The following NRG1 variants were observed in gnomAD, a reference collection of about 807,000 sequenced individuals.
NRG1 encodes neuregulin 1, also known as pro-neuregulin-1, membrane-bound isoform.
A neutral mutation model predicts 63.8 loss-of-function variants in NRG1; 18 were observed. That is an observed-to-expected ratio of 0.28 (90% confidence interval 0.19 to 0.42). The LOEUF is 0.42. Among genes scored for constraint, NRG1 ranks in the 10% least tolerant of loss-of-function variants. The pLI, the probability that NRG1 is intolerant of heterozygous loss-of-function variation, is 1.00. For synonymous variants in NRG1, 302 were observed against 301.3 expected (o/e 1.00, Z -0.02); for missense variants, 762 against 814.7 (o/e 0.94, Z 0.79).
intron 1 of NRG1, among the ~76,000 whole-genome samples, chr8:32,127,491 A>T: frequency 6.7e-6 from 1 of 148,718 alleles, no homozygotes; most frequent in East Asian, 2.0e-4. Context: ...CCATTTTTGA[A>T]CCCTACTCTG....
intron 1 of NRG1, among the ~76,000 whole-genome samples, chr8:31,905,664 TTTGTG>T (rs1261141777): frequency 1.3e-5 from 2 of 152,202 alleles, no homozygotes; most frequent in Non-Finnish European, 2.9e-5. Context: ...CTTCATTTAT[TTTGTG>T]TAAATGAGCA....
At chr8:32,050,044 G>C (rs1040873100) in intron 1 of NRG1, among the ~76,000 whole-genome samples, 1 of 152,122 alleles carries the variant, frequency 6.6e-6, no homozygotes, top group African/African-American at 2.4e-5. Flanking sequence ...AGATTATGAA[G>C]AGCCTCCTTA....
chr8:32,217,677 T>C (rs1056663004), intron 1 of NRG1, among the ~76,000 whole-genome samples: 1 of 152,184 alleles, frequency 6.6e-6, no homozygotes, highest in Non-Finnish European at 1.5e-5. Context: ...CTGAGAATAC[T>C]CCTGTCCCAA....
chr8:32,717,716 A>G lies in NRG1; in HGVS notation c.503-10233A>G, dbSNP rs149836122. Among the ~76,000 whole-genome samples the G allele has an allele frequency of 2.8e-3, 428 of 152,320 alleles. 1 individual carries two copies. Among genetic ancestry groups the G allele is most frequent in the Admixed American group, 5.2e-3 (80 of 15,280 alleles). ...CTGCAGTGATTTGGCTAAATGGTATATAGCAACGTGCAGTCTGGGGTTTTA... is the reference window on the plus strand; with the variant it reads ...CTGCAGTGATTTGGCTAAATGGTATGTAGCAACGTGCAGTCTGGGGTTTTA... On this transcript the variant is annotated intron_variant, in intron 5 of 11. Transcript: ENST00000356819.
At chr8:31,967,944 C>T (rs1806636849) in intron 1 of NRG1, among the ~76,000 whole-genome samples, 1 of 152,158 alleles carries the variant, frequency 6.6e-6, no homozygotes, top group Non-Finnish European at 1.5e-5. Flanking sequence ...GGTACAGCAG[C>T]CCCAGGCCCA....
intron 1 of NRG1, among the ~76,000 whole-genome samples, chr8:31,859,409 A>G (rs571988141): frequency 6.6e-6 from 1 of 152,154 alleles, no homozygotes. Flanking sequence ...TTTCATCACA[A>G]TGTGATCTAT....
intron 1 of NRG1, among the ~76,000 whole-genome samples, chr8:32,216,379 G>A (rs1845225635): frequency 2.0e-5 from 3 of 148,660 alleles, no homozygotes; most frequent in African/African-American, 7.3e-5. Context: ...ATTCCTAGAA[G>A]CACTATAGAA....
intron 5 of NRG1, among the ~76,000 whole-genome samples, chr8:32,707,994 TTTA>T (rs1816857444): frequency 1.3e-5 from 2 of 152,042 alleles, no homozygotes; most frequent in Admixed American, 1.3e-4. Flanking sequence ...AAAATATTCC[TTTA>T]TTATCATAAA....
intron 1 of NRG1, among the ~76,000 whole-genome samples, chr8:31,872,859 G>A (rs79897959): frequency 1.3e-5 from 2 of 152,174 alleles, no homozygotes; most frequent in African/African-American, 4.8e-5. Flanking sequence ...ATACATCCAA[G>A]TATTTAATCA....
intron 1 of NRG1, among the ~76,000 whole-genome samples, chr8:32,049,676 T>G (rs1821660609): frequency 6.6e-6 from 1 of 152,138 alleles, no homozygotes; most frequent in South Asian, 2.1e-4. Flanking sequence ...AAATTGGGTG[T>G]GTATAAAACA....
intron 1 of NRG1, among the ~76,000 whole-genome samples, chr8:32,057,513 G>A (rs536156182): frequency 6.6e-6 from 1 of 152,234 alleles, no homozygotes; most frequent in South Asian, 2.1e-4. Context: ...GCCACTGGGT[G>A]TGAATTTGTC....
intron 1 of NRG1, among the ~76,000 whole-genome samples, chr8:31,824,550 G>A (rs1488600550): frequency 6.6e-6 from 1 of 152,074 alleles, no homozygotes; most frequent in Non-Finnish European, 1.5e-5. Flanking sequence ...CCTACTTCTG[G>A]GTTGGCTGAG....
At chr8:32,761,968 G>A (rs1830764832) in intron 11 of NRG1, among the ~76,000 whole-genome samples, 2 of 150,742 alleles carry the variant, frequency 1.3e-5, no homozygotes, top group Admixed American at 1.3e-4. Flanking sequence ...GAACCCAGGA[G>A]GTGGAGGCTG....
Position 31,873,288 on chromosome 8 carries a change from C to T in NRG1, c.37+233857C>T, listed in dbSNP as rs947712941. On this transcript the variant is annotated intron_variant, in intron 1 of 10. Coordinates refer to the NRG1 transcript ENST00000519301. ...ATTAAAAACAAGGAGAGGCTGGGCA[C>T]GATGGCTCATGCCTGTAATTGTAGC... Among the ~76,000 whole-genome samples, 6 of 152,072 alleles carry T rather than the reference C, an allele frequency of 3.9e-5. No individual in the cohort carries two copies. The South Asian group carries it at 8.3e-4, about 21-fold the overall frequency.
chr8:32,132,532 C>T (rs977175), intron 1 of NRG1, among the ~76,000 whole-genome samples: 79,118 of 151,806 alleles, frequency 0.52, 21,023 homozygotes, highest in Admixed American at 0.57. Flanking sequence ...ACTAAAGGGG[C>T]GCTGTAACTT....
rs1444764591 is a variant in NRG1 at position 32,609,731 on chromosome 8, G to A, written c.400+4048G>A. ...GGCTGGAGTGCAGTGGCAGGATCTC[G>A]GCCACTGCACTGGATTCAAGCAATT... On this transcript the variant is annotated intron_variant, in intron 3 of 11. Transcript: ENST00000356819. 2.7e-5 allele frequency among the ~76,000 whole-genome samples: 4 copies of A among 146,290 alleles called. No homozygotes were observed. The East Asian group carries it at 8.2e-4, about 30-fold the overall frequency.
intron 1 of NRG1, among the ~76,000 whole-genome samples, chr8:32,311,720 T>C (rs1586759273): frequency 6.6e-6 from 1 of 152,186 alleles, no homozygotes; most frequent in East Asian, 1.9e-4. Context: ...ATAGATTTTT[T>C]CTTTGCATCC....
chr8:31,878,552 C>T (rs1164756792), intron 1 of NRG1, among the ~76,000 whole-genome samples: 1 of 152,154 alleles, frequency 6.6e-6, no homozygotes, highest in Non-Finnish European at 1.5e-5. Context: ...ATAGTAATAT[C>T]GCCACAAACT....
intron 1 of NRG1, among the ~76,000 whole-genome samples, chr8:31,909,528 CAT>C (rs1223265952): frequency 2.0e-5 from 3 of 152,130 alleles, no homozygotes; most frequent in Non-Finnish European, 4.4e-5. Flanking sequence ...TTTATGTAAA[CAT>C]GTAATTAAAA....
Sources: allele counts gnomAD v4.1 joint callset (sites outside exome capture counted in the v4.1 genomes callset), GRCh38; gene constraint gnomAD v4.1.1; transcripts MANE v1.5; gene names NCBI Gene and HGNC (gene_info 2026-07-23, HGNC 2026-07-21).